Variants in NRXN1 observed in about 807,000 individuals in gnomAD.
The protein encoded by NRXN1 is neurexin 1.
In NRXN1, 39 loss-of-function variants were observed where a neutral mutation model predicts 150.9. The observed-to-expected ratio is 0.26, with a 90% confidence interval of 0.20 to 0.34. The LOEUF is 0.34. Among genes scored for constraint, NRXN1 ranks in the 10% least tolerant of loss-of-function variants. The probability of loss-of-function intolerance (pLI) is 1.00; values close to 1 mark genes in which losing one functional copy is unlikely to be tolerated. For missense variants in NRXN1, 1,815 were observed against 1,949.9 expected (o/e 0.93, Z 1.30); for synonymous variants, 924 against 757.0 (o/e 1.22, Z -3.62).
intron 21 of NRXN1, among the ~76,000 whole-genome samples, chr2:49,948,592 A>C (rs1029761934): frequency 1.5e-4 from 23 of 152,016 alleles, no homozygotes; most frequent in African/African-American, 5.3e-4. Flanking sequence ...AAAATCAGGA[A>C]GTGGCTCAAG....
chr2:50,520,731 C>T (rs1399633045), intron 12 of NRXN1, among the ~76,000 whole-genome samples: 1 of 151,946 alleles, frequency 6.6e-6, no homozygotes, highest in African/African-American at 2.4e-5. Flanking sequence ...ATTTATTAAA[C>T]AGAATTTATT....
At chr2:50,593,915 T>C (rs1674707440) in intron 8 of NRXN1, among the ~76,000 whole-genome samples, 4 of 152,052 alleles carry the variant, frequency 2.6e-5, no homozygotes, top group African/African-American at 7.2e-5. Flanking sequence ...TGAAAAGGTA[T>C]AAAAAAAGGT....
chr2:50,047,558 C>A (rs1309831717), intron 21 of NRXN1, among the ~76,000 whole-genome samples: 1 of 152,006 alleles, frequency 6.6e-6, no homozygotes, highest in African/African-American at 2.4e-5. Flanking sequence ...GGGTGCAGTC[C>A]TTCTGGGTCT....
At chr2:50,872,843 C>A (rs1440902304) in intron 5 of NRXN1, among the ~76,000 whole-genome samples, 1 of 151,658 alleles carries the variant, frequency 6.6e-6, no homozygotes, top group Admixed American at 6.6e-5. Context: ...TGGTGCATTC[C>A]TGTAGTCCTA....
Position 50,202,400 on chromosome 2 carries a change from G to A in NRXN1, c.3546+34389C>T, listed in dbSNP as rs144989613. Among the ~76,000 whole-genome samples the A allele has an allele frequency of 1.6e-4, 24 of 152,212 alleles. No individual in the cohort carries two copies. In the East Asian group the frequency reaches 4.1e-3, roughly 26 times the overall value. On this transcript the variant is annotated intron_variant, in intron 18 of 22. Coordinates refer to ENST00000401669, the MANE Select transcript of NRXN1 (RefSeq NM_001330078.2). ...GGGCACCTGTAGTCCCAGCTACTCG[G>A]GAGACTAAGGCAGGAGAATTGCTTG...
At chr2:50,413,273 AGACTT>A (rs2083315029) in intron 17 of NRXN1, among the ~76,000 whole-genome samples, 1 of 152,236 alleles carries the variant, frequency 6.6e-6, no homozygotes. Context: ...AATGGGCAAA[AGACTT>A]GAATAGACAT....
intron 5 of NRXN1, among the ~76,000 whole-genome samples, chr2:50,892,962 G>C (rs1681311405): frequency 6.6e-6 from 1 of 152,214 alleles, no homozygotes; most frequent in South Asian, 2.1e-4. Context: ...ACCATGGCGT[G>C]GTCAAGGGAG....
At chr2:50,788,825 T>C (rs1453537952) in intron 5 of NRXN1, among the ~76,000 whole-genome samples, 1 of 151,578 alleles carries the variant, frequency 6.6e-6, no homozygotes, top group Non-Finnish European at 1.5e-5. Flanking sequence ...AAGGGTAAAA[T>C]GGATAATTAA....
chr2:50,464,820 C>G (rs957331308), intron 17 of NRXN1, among the ~76,000 whole-genome samples: 1 of 151,880 alleles, frequency 6.6e-6, no homozygotes, highest in Non-Finnish European at 1.5e-5. Context: ...CAAACCCTCA[C>G]TGCTGTGATA....
intron 5 of NRXN1, among the ~76,000 whole-genome samples, chr2:50,921,207 G>T (rs1685977853): frequency 6.6e-6 from 1 of 151,746 alleles, no homozygotes; most frequent in Non-Finnish European, 1.5e-5. Flanking sequence ...GGTTTTAAAT[G>T]GCAAATTACA....
At chr2:50,374,338 T>TAAAA (rs1553514562) in intron 17 of NRXN1, among the ~76,000 whole-genome samples, 4 of 150,508 alleles carry the variant, frequency 2.7e-5, no homozygotes, top group South Asian at 2.1e-4. Context: ...AATAAATAAA[T>TAAAA]AAAATTGGGT....
chr2:50,543,481 A>T (rs1245944604), intron 9 of NRXN1, among the ~76,000 whole-genome samples: 1 of 152,150 alleles, frequency 6.6e-6, no homozygotes, highest in Non-Finnish European at 1.5e-5. Flanking sequence ...TAGAAACGAC[A>T]TTACATTATA....
At chr2:51,022,331 T>C (rs554473892) in intron 2 of NRXN1, among the ~76,000 whole-genome samples, 22 of 152,156 alleles carry the variant, frequency 1.4e-4, no homozygotes, top group Admixed American at 3.3e-4. Flanking sequence ...GATAACACAA[T>C]TGAGGAATAG....
At position 51,027,676 on chromosome 2, in the gene NRXN1, C is replaced by T. The variant is rs1405510034; in HGVS notation, c.598G>A (p.Gly200Ser). The T allele has an allele frequency of 2.5e-6, 4 of 1,603,300 alleles. No homozygotes were observed. Among genetic ancestry groups the T allele is most frequent in the Admixed American group, 3.4e-5 (2 of 58,798 alleles). Residue 200 changes from glycine (G) to serine (S), a missense_variant, in exon 2 of 23, where the codon GGC becomes AGC. Gly to Ser is a moderately conservative substitution (Grantham distance 56, BLOSUM62 0). Around this residue, in one of 6 missense-constraint regions of NRXN1, gnomAD observed 554 missense variants for 478.8 expected, o/e 1.16. Transcript: ENST00000401669. ...GGCTCATCGTCCAGCTTCACCTCGC[C>T]GCTGTCCACGGGCAGGACCTGCGAG... is the stretch of plus-strand genomic sequence containing the variant. ...NSSQVLPVDS[G>S]EVKLDDEPPN...
At chr2:50,634,452 G>A (rs1682927514) in intron 5 of NRXN1, among the ~76,000 whole-genome samples, 1 of 152,130 alleles carries the variant, frequency 6.6e-6, no homozygotes, top group Non-Finnish European at 1.5e-5. Context: ...TAGTTGTAAG[G>A]ATTAAACAAT....
chr2:50,146,388 C>T, intron 18 of NRXN1, among the ~76,000 whole-genome samples: 1 of 151,662 alleles, frequency 6.6e-6, no homozygotes, highest in South Asian at 2.1e-4. Flanking sequence ...TGGATGTTTA[C>T]TGCAGCACTA....
intron 17 of NRXN1, among the ~76,000 whole-genome samples, chr2:50,449,925 A>G (rs968851147): frequency 6.6e-6 from 1 of 152,328 alleles, no homozygotes; most frequent in East Asian, 1.9e-4. Flanking sequence ...TTACAGATGA[A>G]GAAGCTGACT....
At chr2:50,098,554 G>A (rs958927090) in intron 18 of NRXN1, among the ~76,000 whole-genome samples, 2 of 151,920 alleles carry the variant, frequency 1.3e-5, no homozygotes, top group African/African-American at 4.9e-5. Context: ...TATGTGCCAG[G>A]TATTGAGCTC....
chr2:50,590,906 C>T (rs1674070887), intron 8 of NRXN1, among the ~76,000 whole-genome samples: 2 of 152,274 alleles, frequency 1.3e-5, no homozygotes, highest in South Asian at 2.1e-4. Context: ...TCTAAATACT[C>T]TCAGCAATTG....
Sources: allele counts gnomAD v4.1 joint callset (sites outside exome capture counted in the v4.1 genomes callset), GRCh38; gene constraint gnomAD v4.1.1; regional missense constraint gnomAD v4.1.1; transcripts MANE v1.5; gene names NCBI Gene and HGNC (gene_info 2026-07-23, HGNC 2026-07-21).